The following TRPC6 variants were observed in gnomAD, a reference collection of about 807,000 sequenced individuals.
The protein encoded by TRPC6 is short transient receptor potential channel 6.
TRPC6 carries 55 observed loss-of-function variants against 90.7 expected under a neutral mutation model. The observed-to-expected ratio is 0.61, with a 90% confidence interval of 0.49 to 0.76. TRPC6 has a LOEUF of 0.76. Ranked by LOEUF, TRPC6 falls within the 30% of genes least tolerant of loss-of-function variation. The probability of loss-of-function intolerance (pLI) is 0.00; values close to 1 mark genes in which losing one functional copy is unlikely to be tolerated. For synonymous variants in TRPC6, 393 were observed against 393.0 expected (o/e 1.00, Z 0.00); for missense variants, 989 against 1,122.7 (o/e 0.88, Z 1.70).
Position 101,486,156 on chromosome 11 carries a change from T to C in TRPC6, c.1293+2781A>G, listed in dbSNP as rs377248680. Among the ~76,000 whole-genome samples the C allele has an allele frequency of 5.3e-5, 8 of 152,282 alleles. 1 individual carries two copies. The East Asian group carries it at 1.3e-3, about 26-fold the overall frequency. On this transcript the variant is annotated intron_variant, in intron 4 of 12. Coordinates refer to ENST00000344327, the MANE Select transcript of TRPC6 (RefSeq NM_004621.6). ...GGTTGCCTAGAAACTAAAATGGGCA[T>C]GTTTGAAACCTCGTAGCCTTTATTT...
chr11:101,452,799 A>C lies in TRPC6; in HGVS notation c.*156T>G. On this transcript the variant is annotated 3_prime_UTR_variant, in exon 13 of 13. Coordinates refer to ENST00000344327, the MANE Select transcript of TRPC6 (RefSeq NM_004621.6). ...GAACAATGGAGTTTAATCACCAAAA[A>C]AATTAGATACTAGGGCTCCAGATGA... 1.2e-6 allele frequency: 1 copy of C among 805,288 alleles called. No homozygotes were observed. Among genetic ancestry groups the C allele is most frequent in the Non-Finnish European group, 2.0e-6 (1 of 509,278 alleles). 49.9% of individuals were successfully genotyped at this position (805,288 alleles called of 1,614,324 possible).
chr11:101,499,586 G>GTGATATATATATATATA (rs146159741), intron 2 of TRPC6, among the ~76,000 whole-genome samples: 3 of 45,590 alleles, frequency 6.6e-5, no homozygotes, highest in African/African-American at 3.7e-4. Context: ...GTATATATAC[G>GTGATATATATATATATA]TATATATATA....
chr11:101,485,886 A>C (rs1251622940), intron 4 of TRPC6, among the ~76,000 whole-genome samples: 2 of 152,150 alleles, frequency 1.3e-5, no homozygotes, highest in Non-Finnish European at 2.9e-5. Context: ...CTCTAAAGTC[A>C]ATCTTCAATT....
chr11:101,454,787 C>T (rs1030402712), intron 11 of TRPC6, among the ~76,000 whole-genome samples: 1 of 151,804 alleles, frequency 6.6e-6, no homozygotes, highest in African/African-American at 2.4e-5. Context: ...AATGAACACT[C>T]TCTTTTTTAA....
At chr11:101,476,962 G>A (rs932960941) in intron 5 of TRPC6, among the ~76,000 whole-genome samples, 5 of 152,078 alleles carry the variant, frequency 3.3e-5, no homozygotes, top group African/African-American at 1.2e-4. Flanking sequence ...ATGAGAATGT[G>A]TCTCAGTGAC....
chr11:101,544,878 T>TAA (rs145301424), intron 1 of TRPC6, among the ~76,000 whole-genome samples: 13 of 151,360 alleles, frequency 8.6e-5, no homozygotes, highest in East Asian at 3.9e-4. Context: ...TAAAGTATAA[T>TAA]TAAAAAAAAT....
chr11:101,464,781 G>A (rs574125280), intron 10 of TRPC6, among the ~76,000 whole-genome samples: 5 of 152,202 alleles, frequency 3.3e-5, no homozygotes, highest in African/African-American at 1.2e-4. Context: ...GGGGCATTTA[G>A]CCTGTTTACA....
intron 1 of TRPC6, among the ~76,000 whole-genome samples, chr11:101,568,379 A>G (rs1455947968): frequency 6.6e-6 from 1 of 152,236 alleles, no homozygotes; most frequent in Non-Finnish European, 1.5e-5. Flanking sequence ...GACCAAATCT[A>G]TGTTTGATTG....
rs12787200 is a variant in TRPC6 at position 101,570,954 on chromosome 11, T to C, written c.170+12380A>G. On this transcript the variant is annotated intron_variant, in intron 1 of 12. Transcript: ENST00000344327. ...AGCTGGAAACATTCCCTTTGAAAGCTGGCACAAGACAAGGATGCCCTCTCT... is the reference window on the plus strand; with the variant it reads ...AGCTGGAAACATTCCCTTTGAAAGCCGGCACAAGACAAGGATGCCCTCTCT... 4.8e-3 allele frequency among the ~76,000 whole-genome samples: 690 copies of C among 142,852 alleles called. 6 individuals are homozygous for C. Among genetic ancestry groups the C allele is most frequent in the Non-Finnish European group, 6.6e-3 (419 of 63,246 alleles). The allele number at this position is 142,852 out of a possible 152,430, so 93.7% of individuals were successfully genotyped here.
chr11:101,500,794 T>C (rs970800538), intron 2 of TRPC6, among the ~76,000 whole-genome samples: 3 of 152,072 alleles, frequency 2.0e-5, no homozygotes, highest in Non-Finnish European at 2.9e-5. Context: ...GGACTGAAAA[T>C]ATAACCTCAA....
chr11:101,456,934 A>AAACTT (rs1193192405), intron 10 of TRPC6, among the ~76,000 whole-genome samples: 7 of 152,180 alleles, frequency 4.6e-5, no homozygotes, highest in African/African-American at 1.2e-4. Flanking sequence ...ATTTCATAAA[A>AAACTT]AACTTAATGA....
intron 1 of TRPC6, among the ~76,000 whole-genome samples, chr11:101,535,528 C>T (rs1006146758): frequency 1.3e-5 from 2 of 151,978 alleles, no homozygotes; most frequent in Non-Finnish European, 2.9e-5. Flanking sequence ...TATTCTGAAC[C>T]TTTATGTTCA....
At chr11:101,464,217 G>T (rs796985316) in intron 10 of TRPC6, among the ~76,000 whole-genome samples, 1 of 152,136 alleles carries the variant, frequency 6.6e-6, no homozygotes, top group African/African-American at 2.4e-5. Flanking sequence ...TTCCAATTAC[G>T]TGGTCAGTTT....
At chr11:101,562,495 T>C (rs945151037) in intron 1 of TRPC6, among the ~76,000 whole-genome samples, 9 of 152,184 alleles carry the variant, frequency 5.9e-5, no homozygotes, top group Non-Finnish European at 8.8e-5. Context: ...ATTTTTTATA[T>C]ATTATATGAA....
At chr11:101,565,090 A>T (rs1304887342) in intron 1 of TRPC6, among the ~76,000 whole-genome samples, 1 of 152,062 alleles carries the variant, frequency 6.6e-6, no homozygotes, top group Non-Finnish European at 1.5e-5. Context: ...AGACCTAAAC[A>T]TAAGATCTTT....
chr11:101,581,452 C>T (rs1862194521), intron 1 of TRPC6, among the ~76,000 whole-genome samples: 1 of 152,162 alleles, frequency 6.6e-6, no homozygotes, highest in South Asian at 2.1e-4. Flanking sequence ...TTAATCAAAT[C>T]ATTTTTTGAC....
At chr11:101,467,593 A>C (rs1859178740) in intron 10 of TRPC6, among the ~76,000 whole-genome samples, 1 of 152,214 alleles carries the variant, frequency 6.6e-6, no homozygotes, top group African/African-American at 2.4e-5. Flanking sequence ...ATTGCTCACA[A>C]AATATTTGAA....
intron 1 of TRPC6, among the ~76,000 whole-genome samples, chr11:101,522,470 T>C (rs1315388260): frequency 6.6e-6 from 1 of 152,134 alleles, no homozygotes; most frequent in African/African-American, 2.4e-5. Flanking sequence ...AATTACCCAG[T>C]CTTAGGTAGT....
At chr11:101,538,768 C>CT (rs1861110099) in intron 1 of TRPC6, among the ~76,000 whole-genome samples, 1 of 152,146 alleles carries the variant, frequency 6.6e-6, no homozygotes. Context: ...CACACTGCTG[C>CT]TGGCTTTGAA....
Sources: allele counts gnomAD v4.1 joint callset (sites outside exome capture counted in the v4.1 genomes callset), GRCh38; gene constraint gnomAD v4.1.1; transcripts MANE v1.5; gene names NCBI Gene and HGNC (gene_info 2026-07-23, HGNC 2026-07-21).